The following EPYC variants were observed in gnomAD, a reference collection of about 807,000 sequenced individuals.
EPYC encodes epiphycan.
In EPYC, 28 loss-of-function variants were observed where a neutral mutation model predicts 30.1. That is an observed-to-expected ratio of 0.93 (90% CI 0.69 to 1.28). The LOEUF (loss-of-function observed/expected upper bound fraction) is 1.28. Among genes scored for constraint, EPYC ranks in the 50% most tolerant of loss-of-function variants. The pLI is 0.00. For synonymous variants in EPYC, 144 were observed against 141.4 expected (o/e 1.02, Z -0.13); for missense variants, 382 against 383.5 (o/e 1.00, Z 0.03).
chr12:90,968,751 A>G (rs1408221192), intron 6 of EPYC, among the ~76,000 whole-genome samples: 2 of 152,100 alleles, frequency 1.3e-5, no homozygotes, highest in Admixed American at 6.6e-5. Flanking sequence ...ATCACCCCAG[A>G]TAATAGTAAT....
At chr12:90,996,831 C>T (rs527812404) in intron 2 of EPYC, among the ~76,000 whole-genome samples, 9 of 151,986 alleles carry the variant, frequency 5.9e-5, no homozygotes, top group Non-Finnish European at 1.2e-4. Context: ...CAGTTATTTA[C>T]TGATGAATGC....
chr12:90,972,698 A>G, intron 4 of EPYC, 124 bp downstream of exon 4: 2 of 877,196 alleles, frequency 2.3e-6, no homozygotes, highest in South Asian at 2.6e-5. Context: ...AAATAACAAA[A>G]AACTATTGAT....
chr12:90,986,432 T>A (rs1278123827), intron 2 of EPYC, among the ~76,000 whole-genome samples: 1 of 152,100 alleles, frequency 6.6e-6, no homozygotes, highest in East Asian at 1.9e-4. Context: ...AATCTTAGAC[T>A]CATCAATGAA....
intron 2 of EPYC, among the ~76,000 whole-genome samples, chr12:90,981,135 G>A (rs1425511543): frequency 6.6e-6 from 1 of 152,038 alleles, no homozygotes. Context: ...GATGACAAAT[G>A]GATAGCTCAC....
chr12:90,975,929 C>T (rs1305201141), intron 3 of EPYC, among the ~76,000 whole-genome samples: 2 of 152,056 alleles, frequency 1.3e-5, no homozygotes, highest in African/African-American at 2.4e-5. Flanking sequence ...TTGCATTCCA[C>T]ATATCACCTC....
intron 6 of EPYC, among the ~76,000 whole-genome samples, chr12:90,968,897 T>C (rs769114921): frequency 2.6e-5 from 4 of 151,698 alleles, no homozygotes; most frequent in Middle Eastern, 3.4e-3. Context: ...GAGAGAGCCA[T>C]CCAGAAATCA....
rs1877058711 is a variant in EPYC at position 90,971,889 on chromosome 12, G to T, written c.613C>A (p.Gln205Lys). 6.2e-7 allele frequency: 1 copy of T among 1,612,034 alleles called. No individual in the cohort carries two copies. Among genetic ancestry groups the T allele is most frequent in the Non-Finnish European group, 8.5e-7 (1 of 1,179,178 alleles). The change falls in exon 5 of 7, where the codon CAG becomes AAG. Residue 205 changes from glutamine (Q) to lysine (K), a missense_variant. Gln to Lys is a moderately conservative substitution (Grantham distance 53). Transcript: ENST00000261172. ...ELVLRDNKIR[Q>K]LPELPTTLTF... ...AAAGTGGTTGGCAATTCTGGGAGCT[G>T]CCTTATTTTGTTGTCACGCAGGACA...
intron 6 of EPYC, among the ~76,000 whole-genome samples, chr12:90,964,642 T>C (rs1039366940): frequency 5.3e-5 from 8 of 152,056 alleles, no homozygotes; most frequent in African/African-American, 1.2e-4. Context: ...AAGTTATCTT[T>C]AGAGGTAACA....
chr12:90,964,395 A>G, intron 6 of EPYC, 69 bp from the exon 7 acceptor site: 9 of 1,057,322 alleles, frequency 8.5e-6, no homozygotes, highest in Non-Finnish European at 1.1e-5. Flanking sequence ...AGCGCAGTCC[A>G]CTGTGCTTCA....
intron 2 of EPYC, among the ~76,000 whole-genome samples, chr12:90,990,138 A>G (rs1005609280): frequency 1.3e-5 from 2 of 152,006 alleles, no homozygotes; most frequent in Non-Finnish European, 1.5e-5. Flanking sequence ...GATATTTGGA[A>G]CCTTCAAAAC....
At chr12:90,997,594 CAAAG>C (rs898507804) in intron 2 of EPYC, among the ~76,000 whole-genome samples, 3 of 152,044 alleles carry the variant, frequency 2.0e-5, no homozygotes, top group Non-Finnish European at 2.9e-5. Context: ...TTAAAACACT[CAAAG>C]AATATCAACT....
intron 1 of EPYC, among the ~76,000 whole-genome samples, chr12:91,002,964 C>T (rs769172568): frequency 2.0e-5 from 3 of 152,126 alleles, no homozygotes; most frequent in South Asian, 4.2e-4. Context: ...ATGATGATGA[C>T]GGTGATGATG....
chr12:90,979,773 A>T lies in EPYC; in HGVS notation c.166-1511T>A, dbSNP rs1352328452. Among the ~76,000 whole-genome samples, 7 of 152,282 alleles carry T rather than the reference A, an allele frequency of 4.6e-5. No individual in the cohort carries two copies. The East Asian group carries it at 1.2e-3, about 25-fold the overall frequency. ...ATCTGTGTACCTCTAGGCTGTAAGCATAATAGGCAATCAGCAAGTACTTAT... is the reference window on the plus strand; with the variant it reads ...ATCTGTGTACCTCTAGGCTGTAAGCTTAATAGGCAATCAGCAAGTACTTAT... On this transcript the variant is annotated intron_variant, in intron 2 of 6. Coordinates refer to ENST00000261172, the MANE Select transcript of EPYC (RefSeq NM_004950.5).
intron 2 of EPYC, among the ~76,000 whole-genome samples, chr12:90,985,825 C>T (rs1447572896): frequency 6.6e-6 from 1 of 151,964 alleles, no homozygotes; most frequent in Admixed American, 6.6e-5. Context: ...CAGCTCATGT[C>T]ATCACCCTCA....
rs190276578 is a variant in EPYC at position 90,990,840 on chromosome 12, T to G, written c.165+11561A>C. ...AAAAGATGACTGCTGAATAGTGATTTATTAGACTTGACAACATTACCCTCT... is the reference window on the plus strand; with the variant it reads ...AAAAGATGACTGCTGAATAGTGATTGATTAGACTTGACAACATTACCCTCT... On this transcript the variant is annotated intron_variant, in intron 2 of 6. Coordinates refer to ENST00000261172, the MANE Select transcript of EPYC (RefSeq NM_004950.5). Among the ~76,000 whole-genome samples, 514 of 152,264 alleles carry G rather than the reference T, an allele frequency of 3.4e-3. 4 individuals are homozygous for G. Among genetic ancestry groups the G allele is most frequent in the Non-Finnish European group, 4.6e-3 (310 of 67,988 alleles).
At chr12:90,967,257 G>C (rs1343888465) in intron 6 of EPYC, among the ~76,000 whole-genome samples, 1 of 151,650 alleles carries the variant, frequency 6.6e-6, no homozygotes, top group Non-Finnish European at 1.5e-5. Context: ...TTCCCTTTAA[G>C]TGCTGCTTTA....
In EPYC at chr12:90,965,347, C is replaced by T. The variant is rs141196592; in HGVS notation, c.799-1021G>A. On this transcript the variant is annotated intron_variant, in intron 6 of 6. Transcript: ENST00000261172. ...TGTGTAAAAGTTTTGTATGTACATA[C>T]GCTTTCAGTTCTTTTGGGTATATAC... Among the ~76,000 whole-genome samples the T allele has an allele frequency of 3.2e-3, 493 of 152,214 alleles. 4 individuals are homozygous for T. The highest frequency in any genetic ancestry group is 5.0e-3 in the Non-Finnish European group (339 of 67,988).
chr12:91,001,839 C>T (rs1292549097), intron 2 of EPYC, among the ~76,000 whole-genome samples: 2 of 151,914 alleles, frequency 1.3e-5, no homozygotes, highest in East Asian at 1.9e-4. Flanking sequence ...CACAGAAATA[C>T]ATTTTTATGT....
chr12:90,981,301 G>A (rs759525719), intron 2 of EPYC, among the ~76,000 whole-genome samples: 4 of 152,090 alleles, frequency 2.6e-5, no homozygotes, highest in African/African-American at 7.2e-5. Context: ...GGGTAAAAGC[G>A]GTTGAAGTGA....
Sources: gnomAD v4.1 joint callset for allele counts (sites outside exome capture counted in the v4.1 genomes callset) on GRCh38, gnomAD v4.1.1 for gene constraint, MANE v1.5 for transcripts, NCBI Gene and HGNC (gene_info 2026-07-23, HGNC 2026-07-21) for gene names.